PPP2R2C: variants seen among roughly 807,000 people sequenced by gnomAD.
PPP2R2C encodes the protein protein phosphatase 2 regulatory subunit Bgamma.
A neutral mutation model predicts 45.3 loss-of-function variants in PPP2R2C; 10 were observed. The observed-to-expected ratio is 0.22, with a 90% CI of 0.14 to 0.37. The LOEUF (loss-of-function observed/expected upper bound fraction) is 0.37, where lower values mean the gene tolerates loss of function less well. Ranked by LOEUF, PPP2R2C falls within the 10% of genes least tolerant of loss-of-function variation. PPP2R2C has a pLI of 1.00. For synonymous variants in PPP2R2C, 257 were observed against 245.4 expected, an observed-to-expected ratio of 1.05 and a Z score of -0.44; for missense variants, 308 against 619.7, an observed-to-expected ratio of 0.50 and a Z score of 5.34.
intron 1 of PPP2R2C, among the ~76,000 whole-genome samples, chr4:6,441,999 C>T (rs988695713): frequency 6.6e-6 from 1 of 152,252 alleles, no homozygotes; most frequent in Non-Finnish European, 1.5e-5. Context: ...CCACCTGGGT[C>T]AAGCCTAGGA....
chr4:6,529,825 A>T (rs1724336753), intron 2 of PPP2R2C, among the ~76,000 whole-genome samples: 1 of 152,182 alleles, frequency 6.6e-6, no homozygotes, highest in Non-Finnish European at 1.5e-5. Context: ...GTGGGTGAGG[A>T]CCACTCACTT....
At chr4:6,535,438 C>T in intron 1 of PPP2R2C, 1 of 1,111,698 alleles carries the variant, frequency 9.0e-7, no homozygotes, top group Admixed American at 2.3e-5. Flanking sequence ...ATGCACGCCG[C>T]CACACACCAC....
At chr4:6,457,937 C>G (rs1003018614) in intron 1 of PPP2R2C, among the ~76,000 whole-genome samples, 1 of 152,180 alleles carries the variant, frequency 6.6e-6, no homozygotes, top group Non-Finnish European at 1.5e-5. Flanking sequence ...TTCAAGAGTT[C>G]CTTTAACGTT....
intron 1 of PPP2R2C, among the ~76,000 whole-genome samples, chr4:6,396,578 G>T (rs902254153): frequency 2.6e-5 from 4 of 152,236 alleles, no homozygotes; most frequent in Non-Finnish European, 5.9e-5. Context: ...GGCCAGGGTG[G>T]TGAGCACCCC....
intron 1 of PPP2R2C, among the ~76,000 whole-genome samples, chr4:6,398,643 G>C (rs955900081): frequency 2.6e-5 from 4 of 152,174 alleles, no homozygotes; most frequent in Non-Finnish European, 5.9e-5. Flanking sequence ...CTCACACACT[G>C]CTGGGGGAAT....
At chr4:6,413,128 C>T (rs2109372862) in intron 1 of PPP2R2C, among the ~76,000 whole-genome samples, 1 of 152,222 alleles carries the variant, frequency 6.6e-6, no homozygotes, top group Admixed American at 6.5e-5. Context: ...GCTATTTCCC[C>T]CGAGAATAAA....
At chr4:6,326,564 C>T (rs533513697) in intron 8 of PPP2R2C, among the ~76,000 whole-genome samples, 1 of 152,182 alleles carries the variant, frequency 6.6e-6, no homozygotes, top group Non-Finnish European at 1.5e-5. Context: ...GGATAGTCCA[C>T]GCAGGATCAC....
At chr4:6,482,952 T>G (rs542137816) in intron 2 of PPP2R2C, among the ~76,000 whole-genome samples, 2 of 150,058 alleles carry the variant, frequency 1.3e-5, no homozygotes, top group South Asian at 2.2e-4. Flanking sequence ...GGATGCTTTT[T>G]GTTTGGCTGC....
chr4:6,375,316 G>A (rs532539722), intron 4 of PPP2R2C, among the ~76,000 whole-genome samples: 5 of 152,196 alleles, frequency 3.3e-5, no homozygotes, highest in East Asian at 1.9e-4. Context: ...TGCTGGGCAC[G>A]TGTGTGTCTG....
intron 1 of PPP2R2C, among the ~76,000 whole-genome samples, chr4:6,464,885 A>G (rs916499784): frequency 2.3e-5 from 3 of 133,262 alleles, no homozygotes; most frequent in African/African-American, 8.3e-5. Context: ...TGTGGGGGAG[A>G]GACAGAGAGA....
rs59527663 is a variant in PPP2R2C at position 6,324,434 on chromosome 4, AAAAAGAAAAG to A, written c.1053-851_1053-842del. On this transcript the variant is annotated intron_variant, in intron 8 of 8. Transcript: ENST00000382599. This position sits in a 1 kb window ranked among gnomAD's most constrained non-coding sequence, Gnocchi z 4.1. ...CAATAAGAGCAAAACTCCGTCTCGA[AAAAAGAAAAG>A]AAAAGAAAAGAAAAGACCCTCCTGT... Among the ~76,000 whole-genome samples, 9 of 150,984 alleles carry A rather than the reference AAAAAGAAAAG, an allele frequency of 6.0e-5. No homozygotes were observed. In the South Asian group the frequency reaches 6.3e-4, roughly 11 times the overall value.
chr4:6,388,665 G>C (rs1212407339), intron 1 of PPP2R2C, among the ~76,000 whole-genome samples: 4 of 152,088 alleles, frequency 2.6e-5, no homozygotes, highest in Non-Finnish European at 4.4e-5. Flanking sequence ...ACTTTGGGGG[G>C]CCGAGCCGGG....
intron 2 of PPP2R2C, among the ~76,000 whole-genome samples, chr4:6,525,982 C>T (rs544261863): frequency 2.0e-5 from 3 of 152,288 alleles, no homozygotes; most frequent in East Asian, 1.9e-4. Context: ...GATTACAGCA[C>T]GTGAGCCACG....
intron 1 of PPP2R2C, among the ~76,000 whole-genome samples, chr4:6,409,121 G>A (rs779405461): frequency 5.9e-5 from 9 of 152,080 alleles, no homozygotes; most frequent in Non-Finnish European, 1.2e-4. Context: ...CCAGCATTGT[G>A]CAGCACCCAT....
intron 1 of PPP2R2C, chr4:6,382,884 C>G (rs1715952294): frequency 9.1e-7 from 1 of 1,101,238 alleles, no homozygotes; most frequent in Non-Finnish European, 1.1e-6. Flanking sequence ...CTGGCACTCC[C>G]CTGCTCAAAA....
chr4:6,404,926 G>A (rs556301497), intron 1 of PPP2R2C, among the ~76,000 whole-genome samples: 4 of 152,352 alleles, frequency 2.6e-5, no homozygotes, highest in East Asian at 1.9e-4. Context: ...GCCATCTTGA[G>A]CAAGGCACCG....
At chr4:6,542,177 T>G (rs1005795333) in intron 1 of PPP2R2C, among the ~76,000 whole-genome samples, 1 of 152,210 alleles carries the variant, frequency 6.6e-6, no homozygotes, top group Non-Finnish European at 1.5e-5. Context: ...GTGCTGTGAC[T>G]GTCCCTGGTC....
At chr4:6,549,251 C>T (rs1011584890) in intron 1 of PPP2R2C, among the ~76,000 whole-genome samples, 3 of 152,114 alleles carry the variant, frequency 2.0e-5, no homozygotes, top group African/African-American at 4.8e-5. Flanking sequence ...AATTGGACCA[C>T]GTCGTTTTTC....
intron 1 of PPP2R2C, among the ~76,000 whole-genome samples, chr4:6,562,055 C>T (rs957606136): frequency 6.6e-6 from 1 of 152,184 alleles, no homozygotes; most frequent in Non-Finnish European, 1.5e-5. Flanking sequence ...ACAGAGAAGG[C>T]ATCCCAGGTG....
Sources: allele counts gnomAD v4.1 joint callset (sites outside exome capture counted in the v4.1 genomes callset), GRCh38; gene constraint gnomAD v4.1.1; non-coding constraint Gnocchi (gnomAD v3.1); transcripts MANE v1.5; gene names NCBI Gene and HGNC (gene_info 2026-07-23, HGNC 2026-07-21).